The following HEATR4 variants were observed in gnomAD, a reference collection of about 807,000 sequenced individuals.
HEATR4 encodes the protein HEAT repeat-containing protein 4.
A neutral mutation model predicts 108.8 loss-of-function variants in HEATR4; 95 were observed. The ratio of observed to expected loss-of-function variants is 0.87; its 90% CI spans 0.74 to 1.04. The LOEUF (loss-of-function observed/expected upper bound fraction) is 1.04. Ranked by LOEUF, HEATR4 falls within the 50% of genes least tolerant of loss-of-function variation. HEATR4 has a pLI of 0.00. For missense variants in HEATR4, 1,152 were observed against 1,253.8 expected (o/e 0.92, Z 1.23); for synonymous variants, 443 against 459.4 (o/e 0.96, Z 0.46).
the HEATR4 span, among the ~76,000 whole-genome samples, chr14:73,617,900 T>C: frequency 1.2e-4 from 13 of 112,490 alleles, no homozygotes; most frequent in African/African-American, 4.6e-4. Context: ...ATCCCAGTAC[T>C]TTGGGAGGCC....
chr14:73,523,816 C>G (rs1016417292), intron 2 of HEATR4, among the ~76,000 whole-genome samples: 9 of 152,220 alleles, frequency 5.9e-5, no homozygotes, highest in Admixed American at 2.0e-4. Context: ...CAGGTCATAC[C>G]CAAGTTTATA....
rs768560117 is a variant in HEATR4 at position 73,478,856 on chromosome 14, T to G, written c.2845-14A>C. On this transcript the variant is annotated splice_polypyrimidine_tract_variant and intron_variant, in intron 17 of 17. Transcript: ENST00000553558. The stretch of plus-strand genomic sequence containing the variant: ...GGGCTTCACAGGCTGCAGAGAAACA[T>G]GAAAACATGAGTGCATATGCCAAAC... 1 of 1,585,664 alleles carries G rather than the reference T, an allele frequency of 6.3e-7. No individual in the cohort carries two copies. The highest frequency in any genetic ancestry group is 8.6e-7 in the Non-Finnish European group (1 of 1,163,422).
chr14:73,563,673 T>C (rs2140325956), upstream of HEATR4, among the ~76,000 whole-genome samples: 1 of 151,786 alleles, frequency 6.6e-6, no homozygotes, highest in Middle Eastern at 3.4e-3. Flanking sequence ...TTAAAAATGG[T>C]TAAAATGGGC....
the HEATR4 span, among the ~76,000 whole-genome samples, chr14:73,566,876 C>T: frequency 6.6e-6 from 1 of 152,168 alleles, no homozygotes; most frequent in Non-Finnish European, 1.5e-5. Context: ...ACGCTGTCAC[C>T]TCTCACAAGC....
intron 5 of HEATR4, among the ~76,000 whole-genome samples, chr14:73,517,971 A>C (rs527558904): frequency 4.4e-4 from 67 of 152,312 alleles, no homozygotes; most frequent in African/African-American, 1.5e-3. Flanking sequence ...CTGTAGTCCC[A>C]GCTACTCGTG....
chr14:73,621,761 CTTT>C, the HEATR4 span, among the ~76,000 whole-genome samples: 19 of 109,504 alleles, frequency 1.7e-4, no homozygotes, highest in African/African-American at 3.8e-4. Flanking sequence ...TTCTTTCTTT[CTTT>C]TTTTTTTTTT....
At chr14:73,574,884 C>A in the HEATR4 span, 2 of 1,613,340 alleles carry the variant, frequency 1.2e-6, no homozygotes, top group Non-Finnish European at 1.7e-6. Flanking sequence ...CATTCTTCTT[C>A]TTTTTCCTTT....
chr14:73,547,105 C>T lies in HEATR4; in HGVS notation c.-152+11646G>A, dbSNP rs529382720. Among the ~76,000 whole-genome samples, 40 of 105,118 alleles carry T rather than the reference C, an allele frequency of 3.8e-4. 9 individuals carry two copies. The highest frequency in any genetic ancestry group is 1.2e-3 in the African/African-American group (40 of 34,274). The allele number at this position is 105,118 out of a possible 152,430, so 69.0% of individuals were successfully genotyped here. A position where few individuals can be genotyped will look rare whatever the true frequency, so the allele number is the denominator to read the frequency against. The stretch of plus-strand genomic sequence containing the variant: ...CCGTCTCAAAAAAAGAAAAAAGACC[C>T]GGTGCGGTGGCTTACGCCTGTAATC... On this transcript the variant is annotated intron_variant, in intron 1 of 17. Coordinates refer to ENST00000553558, the MANE Select transcript of HEATR4 (RefSeq NM_001220484.1).
chr14:73,597,035 C>T, the HEATR4 span, among the ~76,000 whole-genome samples: 371 of 152,086 alleles, frequency 2.4e-3, 3 homozygotes, highest in African/African-American at 8.4e-3. Context: ...AGAAAAACTA[C>T]GCTTATCACA....
At chr14:73,593,342 T>C in the HEATR4 span, among the ~76,000 whole-genome samples, 10 of 141,800 alleles carry the variant, frequency 7.1e-5, no homozygotes, top group African/African-American at 1.6e-4. Flanking sequence ...CTTTCTTTTT[T>C]TTTTTTTTTT....
upstream of HEATR4, among the ~76,000 whole-genome samples, chr14:73,560,413 C>G (rs1163855581): frequency 1.3e-5 from 2 of 152,054 alleles, no homozygotes; most frequent in African/African-American, 4.8e-5. Context: ...CCCATAATCC[C>G]AGCACTTTGG....
chr14:73,628,389 A>G, the HEATR4 span, among the ~76,000 whole-genome samples: 1 of 152,024 alleles, frequency 6.6e-6, no homozygotes, highest in African/African-American at 2.4e-5. Flanking sequence ...CAATCCTCCC[A>G]TCTCAGCCTC....
chr14:73,619,556 G>A, the HEATR4 span: 1 of 1,614,214 alleles, frequency 6.2e-7, no homozygotes, highest in Non-Finnish European at 8.5e-7. Context: ...GATGATCAAA[G>A]CTGGAAGAGT....
At chr14:73,612,518 G>T in the HEATR4 span, 1 of 1,163,610 alleles carries the variant, frequency 8.6e-7, no homozygotes, top group South Asian at 2.4e-5. Context: ...AAAGCCGCCA[G>T]GCCCGCCCAC....
chr14:73,565,872 C>G, the HEATR4 span, among the ~76,000 whole-genome samples: 415 of 152,124 alleles, frequency 2.7e-3, 4 homozygotes, highest in African/African-American at 9.6e-3. Context: ...AAGGGGGACC[C>G]CAGCGGGTTG....
chr14:73,573,813 A>G, the HEATR4 span, among the ~76,000 whole-genome samples: 1 of 151,682 alleles, frequency 6.6e-6, no homozygotes, highest in Admixed American at 6.6e-5. Flanking sequence ...TGCAACCTCC[A>G]CCTCCCAAGT....
the HEATR4 span, among the ~76,000 whole-genome samples, chr14:73,565,463 G>A: frequency 1.3e-5 from 2 of 149,788 alleles, no homozygotes; most frequent in South Asian, 4.2e-4. Context: ...TCGGCTCACT[G>A]CAAGTGTGTC....
chr14:73,493,836 TCAAAAA>T (rs967499091), intron 16 of HEATR4, among the ~76,000 whole-genome samples: 34 of 152,330 alleles, frequency 2.2e-4, no homozygotes, highest in African/African-American at 4.6e-4. Context: ...AGACTCCGTC[TCAAAAA>T]CAAAAACAAA....
chr14:73,598,435 C>A, the HEATR4 span, among the ~76,000 whole-genome samples: 5 of 151,802 alleles, frequency 3.3e-5, no homozygotes, highest in Non-Finnish European at 7.4e-5. Flanking sequence ...TGTCCCCTTC[C>A]TTCAAATCTG....
Sources: gnomAD v4.1 joint callset for allele counts (sites outside exome capture counted in the v4.1 genomes callset) on GRCh38, gnomAD v4.1.1 for gene constraint, MANE v1.5 for transcripts, NCBI Gene and HGNC (gene_info 2026-07-23, HGNC 2026-07-21) for gene names.